The following ENTREP2 variants were observed in gnomAD, a reference collection of about 807,000 sequenced individuals.
The protein encoded by ENTREP2 is endosomal transmembrane epsin interactor 2.
the ENTREP2 span, chr15:29,267,575 A>C: frequency 2.0e-5 from 3 of 152,022 alleles, no homozygotes; most frequent in Non-Finnish European, 4.4e-5. Context: ...CTAACTCCCT[A>C]GGAGGTAGAT....
At chr15:29,238,490 T>A in the ENTREP2 span, among the ~76,000 whole-genome samples, 34 of 151,304 alleles carry the variant, frequency 2.2e-4, no homozygotes, top group African/African-American at 8.1e-4. Flanking sequence ...CAAAAAATTA[T>A]TCAGCTTGGT....
chr15:29,409,663 G>GT, the ENTREP2 span, among the ~76,000 whole-genome samples: 1 of 150,200 alleles, frequency 6.7e-6, no homozygotes, highest in Non-Finnish European at 1.5e-5. Flanking sequence ...GGGTCTCACC[G>GT]TGTTACCCAG....
chr15:29,422,981 T>C, the ENTREP2 span, among the ~76,000 whole-genome samples: 2 of 152,222 alleles, frequency 1.3e-5, no homozygotes, highest in African/African-American at 4.8e-5. Flanking sequence ...TGAGTGTGTC[T>C]TTAATGTTTT....
At chr15:29,673,683 G>C in the ENTREP2 span, among the ~76,000 whole-genome samples, 46 of 152,316 alleles carry the variant, frequency 3.0e-4, no homozygotes, top group African/African-American at 1.1e-3. Flanking sequence ...GTCCTGCAAA[G>C]GCAGTGTAGT....
At chr15:29,196,933 C>G in the ENTREP2 span, among the ~76,000 whole-genome samples, 1 of 152,182 alleles carries the variant, frequency 6.6e-6, no homozygotes. Context: ...TCTCCTTCCA[C>G]AGTCAGAAAT....
the ENTREP2 span, among the ~76,000 whole-genome samples, chr15:29,171,908 A>ATTAC: frequency 1.3e-5 from 2 of 152,220 alleles, no homozygotes; most frequent in Admixed American, 6.5e-5. Flanking sequence ...CTGAACGGTA[A>ATTAC]GGTCTAGAAA....
At chr15:29,544,279 T>A in the ENTREP2 span, among the ~76,000 whole-genome samples, 1 of 152,170 alleles carries the variant, frequency 6.6e-6, no homozygotes. Context: ...TGGAGCAGAA[T>A]AATTCACAGT....
the ENTREP2 span, among the ~76,000 whole-genome samples, chr15:29,222,736 G>T: frequency 6.6e-6 from 1 of 152,110 alleles, no homozygotes; most frequent in African/African-American, 2.4e-5. Context: ...GCTTCCGAGG[G>T]GGCCCTGCAG....
At chr15:29,637,279 T>C in the ENTREP2 span, among the ~76,000 whole-genome samples, 13,336 of 152,084 alleles carry the variant, frequency 0.088, 860 homozygotes, top group African/African-American at 0.18. Flanking sequence ...ACTGAAATAG[T>C]AGGGGGTGGC....
the ENTREP2 span, among the ~76,000 whole-genome samples, chr15:29,647,396 T>C: frequency 2.6e-5 from 4 of 152,180 alleles, no homozygotes; most frequent in African/African-American, 9.7e-5. Flanking sequence ...AGGGATGGGA[T>C]GTTCATTTGT....
chr15:29,212,133 AATTGTC>A, the ENTREP2 span, among the ~76,000 whole-genome samples: 1 of 151,920 alleles, frequency 6.6e-6, no homozygotes, highest in Non-Finnish European at 1.5e-5. Context: ...GTAATTTTTA[AATTGTC>A]ATTTCAATCT....
the ENTREP2 span, among the ~76,000 whole-genome samples, chr15:29,593,342 T>C: frequency 6.6e-6 from 1 of 152,304 alleles, no homozygotes; most frequent in African/African-American, 2.4e-5. Context: ...GTGGCTGGTA[T>C]GCCCTCATTC....
At chr15:29,404,936 G>A in the ENTREP2 span, among the ~76,000 whole-genome samples, 1 of 151,480 alleles carries the variant, frequency 6.6e-6, no homozygotes, top group African/African-American at 2.4e-5. Flanking sequence ...GACATCTACT[G>A]ACCAGCTCAC....
the ENTREP2 span, among the ~76,000 whole-genome samples, chr15:29,119,550 GTAAC>G: frequency 9.1e-5 from 3 of 33,022 alleles, no homozygotes; most frequent in African/African-American, 1.8e-4. Context: ...GTATACATAT[GTAAC>G]TAACCTGCAC....
the ENTREP2 span, among the ~76,000 whole-genome samples, chr15:29,546,912 AAAAC>A: frequency 3.0e-4 from 44 of 148,226 alleles, 2 homozygotes; most frequent in Non-Finnish European, 3.4e-4. Flanking sequence ...AACAAAAAAA[AAAAC>A]GGATACAATT....
the ENTREP2 span, among the ~76,000 whole-genome samples, chr15:29,150,252 A>C: frequency 0.032 from 4,806 of 152,248 alleles, 232 homozygotes; most frequent in African/African-American, 0.11. Context: ...TGGCTTGAGA[A>C]GCACGGCTCC....
At chr15:29,371,911 A>AATAAATAG in the ENTREP2 span, among the ~76,000 whole-genome samples, 1 of 149,498 alleles carries the variant, frequency 6.7e-6, no homozygotes, top group Non-Finnish European at 1.5e-5. Context: ...AAAATAAATA[A>AATAAATAG]ATAGATAGAT....
the ENTREP2 span, chr15:29,136,438 G>T: frequency 3.2e-6 from 5 of 1,547,224 alleles, no homozygotes; most frequent in Admixed American, 7.9e-5. Flanking sequence ...GCAGGCCGGG[G>T]CTATTGATGG....
At chr15:29,137,258 C>G in the ENTREP2 span, 2 of 1,361,840 alleles carry the variant, frequency 1.5e-6, no homozygotes, top group Non-Finnish European at 1.9e-6. Context: ...TCTCATTAAG[C>G]TAATTATACG....
Sources: gnomAD v4.1 joint callset for allele counts (sites outside exome capture counted in the v4.1 genomes callset) on GRCh38, gnomAD v4.1.1 for gene constraint, MANE v1.5 for transcripts, NCBI Gene and HGNC (gene_info 2026-07-23, HGNC 2026-07-21) for gene names.